Variants in NALF1 observed in about 807,000 individuals in gnomAD.
NALF1 encodes family with sequence similarity 155 member A.
Under a neutral mutation model 48.4 loss-of-function variants are expected in NALF1, and 3 were observed. That is an observed-to-expected ratio of 0.06 (90% CI 0.03 to 0.16). The LOEUF is 0.16. Ranked by LOEUF, NALF1 falls within the 10% of genes least tolerant of loss-of-function variation. The pLI is 1.00. For missense variants in NALF1, 526 were observed against 571.5 expected (o/e 0.92, Z 0.81); for synonymous variants, 262 against 245.7 (o/e 1.07, Z -0.62).
intron 1 of NALF1, among the ~76,000 whole-genome samples, chr13:107,318,255 A>T (rs1160279648): frequency 6.6e-6 from 1 of 152,140 alleles, no homozygotes; most frequent in African/African-American, 2.4e-5. Context: ...GCTTTTTGAA[A>T]ATTTTCACCT....
chr13:107,795,973 A>C (rs1381770455), intron 1 of NALF1, among the ~76,000 whole-genome samples: 2 of 152,088 alleles, frequency 1.3e-5, no homozygotes, highest in African/African-American at 2.4e-5. Context: ...AGCAGATTGA[A>C]TACTACTAGG....
chr13:107,469,341 T>C (rs1212308913), intron 1 of NALF1, among the ~76,000 whole-genome samples: 1 of 152,198 alleles, frequency 6.6e-6, no homozygotes, highest in Non-Finnish European at 1.5e-5. Context: ...GCCTCAAGTT[T>C]TATTTTAACA....
At chr13:107,361,518 T>A (rs775495806) in intron 1 of NALF1, among the ~76,000 whole-genome samples, 11 of 151,844 alleles carry the variant, frequency 7.2e-5, no homozygotes, top group Non-Finnish European at 8.8e-5. Flanking sequence ...GATTTATGGA[T>A]CTGGAAAAGA....
intron 1 of NALF1, among the ~76,000 whole-genome samples, chr13:107,685,154 A>G (rs1402415220): frequency 6.6e-6 from 1 of 151,994 alleles, no homozygotes; most frequent in African/African-American, 2.4e-5. Flanking sequence ...GTGTACTAAA[A>G]ATACAAAAAA....
At chr13:107,775,099 C>T (rs1013577666) in intron 1 of NALF1, among the ~76,000 whole-genome samples, 3 of 152,182 alleles carry the variant, frequency 2.0e-5, no homozygotes, top group African/African-American at 7.2e-5. Context: ...TACATGTGCA[C>T]AATGTGCACG....
intron 1 of NALF1, among the ~76,000 whole-genome samples, chr13:107,229,819 AG>A (rs1309895739): frequency 2.6e-5 from 4 of 152,342 alleles, no homozygotes; most frequent in African/African-American, 9.6e-5. Context: ...TTTGCCAGGT[AG>A]GGGTTTCCCA....
chr13:107,773,913 G>A (rs527825002), intron 1 of NALF1, among the ~76,000 whole-genome samples: 5 of 152,104 alleles, frequency 3.3e-5, no homozygotes, highest in Non-Finnish European at 7.4e-5. Flanking sequence ...TCACTATTTT[G>A]TATAAGTGTA....
At chr13:107,749,443 C>T (rs948222941) in intron 1 of NALF1, among the ~76,000 whole-genome samples, 2 of 151,566 alleles carry the variant, frequency 1.3e-5, no homozygotes, top group Non-Finnish European at 2.9e-5. Context: ...CCAGGCGCCA[C>T]GTAGAAAAGT....
intron 1 of NALF1, among the ~76,000 whole-genome samples, chr13:107,338,585 T>C (rs1882604863): frequency 6.6e-6 from 1 of 152,144 alleles, no homozygotes; most frequent in Admixed American, 6.6e-5. Context: ...TGTTTTCCCA[T>C]CTGTAAAATA....
Position 107,506,188 on chromosome 13 carries a change from A to G in NALF1, c.916-295433T>C, listed in dbSNP as rs9555366. On this transcript the variant is annotated intron_variant, in intron 1 of 2. Coordinates refer to ENST00000375915, the MANE Select transcript of NALF1 (RefSeq NM_001080396.3). ...TTGTTGTTGTCATTGTTAACTTATG[A>G]CATGAGGATGCTGTATATGAGAAAT... Among the ~76,000 whole-genome samples, 69 of 152,236 alleles carry G rather than the reference A, an allele frequency of 4.5e-4. No homozygotes were observed. In the East Asian group the frequency reaches 0.011, roughly 24 times the overall value.
chr13:107,266,408 G>T (rs182639413), intron 1 of NALF1, among the ~76,000 whole-genome samples: 1 of 152,154 alleles, frequency 6.6e-6, no homozygotes, highest in Admixed American at 6.5e-5. Flanking sequence ...AAAATAGATG[G>T]CTACCTGTAC....
intron 1 of NALF1, among the ~76,000 whole-genome samples, chr13:107,455,498 G>GTGACCTGTT (rs757188591): frequency 4.6e-5 from 7 of 152,070 alleles, no homozygotes; most frequent in Non-Finnish European, 1.0e-4. Context: ...TCCCACACCA[G>GTGACCTGTT]TGACCTGTTT....
chr13:107,270,353 T>A (rs2138862382), intron 1 of NALF1, among the ~76,000 whole-genome samples: 1 of 152,214 alleles, frequency 6.6e-6, no homozygotes, highest in South Asian at 2.1e-4. Flanking sequence ...TAAGTGGGGA[T>A]CAAAATAGGA....
At chr13:107,721,574 G>A (rs1190733399) in intron 1 of NALF1, among the ~76,000 whole-genome samples, 9 of 152,254 alleles carry the variant, frequency 5.9e-5, no homozygotes, top group African/African-American at 2.2e-4. Flanking sequence ...GTGGCCTCAC[G>A]CTGCAGGAAA....
At chr13:107,732,469 A>C (rs1478005060) in intron 1 of NALF1, among the ~76,000 whole-genome samples, 2 of 152,148 alleles carry the variant, frequency 1.3e-5, no homozygotes, top group Non-Finnish European at 2.9e-5. Flanking sequence ...TGTCTAGTCT[A>C]AGGACAGCCA....
intron 1 of NALF1, among the ~76,000 whole-genome samples, chr13:107,652,098 T>C (rs1334501460): frequency 6.6e-6 from 1 of 152,192 alleles, no homozygotes; most frequent in East Asian, 1.9e-4. Flanking sequence ...TTTCTAGCTT[T>C]AGCACTAAAA....
intron 1 of NALF1, among the ~76,000 whole-genome samples, chr13:107,697,747 G>A (rs1409108800): frequency 2.6e-5 from 4 of 152,148 alleles, no homozygotes; most frequent in South Asian, 2.1e-4. Flanking sequence ...CATTGAAGTC[G>A]CACATAAATT....
chr13:107,835,915 C>A (rs1879875106), intron 1 of NALF1, among the ~76,000 whole-genome samples: 1 of 152,106 alleles, frequency 6.6e-6, no homozygotes, highest in Non-Finnish European at 1.5e-5. Context: ...TCAGGAGAAC[C>A]AACAAATCTT....
intron 1 of NALF1, among the ~76,000 whole-genome samples, chr13:107,640,953 A>C (rs1880135758): frequency 1.3e-5 from 2 of 152,166 alleles, no homozygotes; most frequent in Admixed American, 1.3e-4. Context: ...AAATAAAGGA[A>C]ATCAGTATGT....
Sources: allele counts gnomAD v4.1 joint callset (sites outside exome capture counted in the v4.1 genomes callset), GRCh38; gene constraint gnomAD v4.1.1; transcripts MANE v1.5; gene names NCBI Gene and HGNC (gene_info 2026-07-23, HGNC 2026-07-21).